PHF2: variants seen among roughly 807,000 people sequenced by gnomAD.
PHF2 encodes the protein lysine-specific demethylase PHF2.
Under a neutral mutation model 120.5 loss-of-function variants are expected in PHF2, and 27 were observed. The ratio of observed to expected loss-of-function variants is 0.22; its 90% CI spans 0.17 to 0.31. The LOEUF is 0.31. PHF2 is among the 10% of genes least tolerant of loss of function. The pLI, the probability that PHF2 is intolerant of heterozygous loss-of-function variation, is 1.00. For synonymous variants in PHF2, 568 were observed against 592.5 expected (o/e 0.96, Z 0.60); for missense variants, 1,024 against 1,434.8 (o/e 0.71, Z 4.63).
intron 3 of PHF2, among the ~76,000 whole-genome samples, chr9:93,641,187 G>A (rs567613056): frequency 5.0e-4 from 76 of 152,144 alleles, no homozygotes; most frequent in Non-Finnish European, 9.6e-4. Flanking sequence ...GCTGGAGGTC[G>A]CCAAATGCTT....
chr9:93,650,154 CAT>C (rs1441386024), intron 5 of PHF2, among the ~76,000 whole-genome samples: 1 of 151,658 alleles, frequency 6.6e-6, no homozygotes, highest in African/African-American at 2.4e-5. Flanking sequence ...TACACTCACA[CAT>C]GGACACACTC....
At position 93,679,335 on chromosome 9, in the gene PHF2, T is replaced by G. The variant is rs1456021323; in HGVS notation, c.*1659T>G. 4 of 451,030 alleles carry G rather than the reference T, an allele frequency of 8.9e-6. No homozygotes were observed. The highest frequency in any genetic ancestry group is 6.0e-5 in the African/African-American group (3 of 49,786). 27.9% of individuals were successfully genotyped at this position (451,030 alleles called of 1,614,324 possible). A position where few individuals can be genotyped will look rare whatever the true frequency, so the allele number is the denominator to read the frequency against. ...CAGGCTTATTCAGAACTGGTGTTTT[T>G]AAAGTTTCCTTTACCCTGCCCTTGT... On this transcript the variant is annotated 3_prime_UTR_variant, in exon 22 of 22. Transcript: ENST00000359246.
At chr9:93,635,308 A>C (rs1262971014) in intron 2 of PHF2, among the ~76,000 whole-genome samples, 2 of 140,908 alleles carry the variant, frequency 1.4e-5, no homozygotes, top group Non-Finnish European at 3.1e-5. Context: ...CTTTGTCCCC[A>C]CAACCACCGA....
chr9:93,648,037 C>T (rs1427186763), intron 4 of PHF2, among the ~76,000 whole-genome samples: 1 of 152,206 alleles, frequency 6.6e-6, no homozygotes, highest in South Asian at 2.1e-4. Context: ...ACGTAAGACC[C>T]AGTTTAATTC....
Position 93,676,752 on chromosome 9 carries a change from C to G in PHF2, c.2991C>G (p.Ser997Arg). The G allele has an allele frequency of 2.6e-6, 4 of 1,554,078 alleles. No individual in the cohort carries two copies. The Middle Eastern group carries it at 6.8e-4, about 266-fold the overall frequency. The change falls in exon 21 of 22, where the codon AGC becomes AGG. Residue 997 changes from serine to arginine, a missense_variant. Around this residue, in one of 2 missense-constraint regions of PHF2, gnomAD observed 677 missense variants for 857.4 expected, o/e 0.79. Transcript: ENST00000359246. ...CCTCCACCACCCCGGCCTCCACCAGCACGGCCAGCAGCCAGGCCTCGCAGG... is the reference window on the plus strand; with the variant it reads ...CCTCCACCACCCCGGCCTCCACCAGGACGGCCAGCAGCCAGGCCTCGCAGG... ...TPASTTPAST[S>R]TASSQASQEG...
At chr9:93,670,609 T>C (rs1170076859) in intron 17 of PHF2, among the ~76,000 whole-genome samples, 2 of 152,140 alleles carry the variant, frequency 1.3e-5, no homozygotes, top group African/African-American at 2.4e-5. Context: ...TGGGAGGGCC[T>C]GGCAGGGAGG....
intron 20 of PHF2, among the ~76,000 whole-genome samples, chr9:93,676,318 T>C (rs150486381): frequency 6.6e-6 from 1 of 152,322 alleles, no homozygotes; most frequent in Non-Finnish European, 1.5e-5. Context: ...GAGATGTATA[T>C]GGCCACTGAG....
rs1210319103 is a variant in PHF2, at chr9:93,653,203, T to G, written c.627T>G (p.Pro209=). The part of the protein sequence containing the change: ...DTRMSSFVEP[P]DIVKKLSWVE... ...GAATGTCCAGCTTCGTGGAGCCACC[T>G]GACATTGTAAAGAAACTGTCATGGG... The change falls in exon 6 of 22, where the codon CCT becomes CCG. Residue 209 remains proline (P), a synonymous_variant. Transcript: ENST00000359246. 2.5e-6 allele frequency: 4 copies of G among 1,614,062 alleles called. No homozygotes were observed. The highest frequency in any genetic ancestry group is 3.4e-6 in the Non-Finnish European group (4 of 1,180,038).
chr9:93,656,350 G>A lies in PHF2; in HGVS notation c.1041-139G>A. On this transcript the variant is annotated intron_variant, in intron 8 of 21. Transcript: ENST00000359246. This position sits in a 1 kb window ranked among gnomAD's most constrained non-coding sequence, Gnocchi z 4.1. Reference sequence around the variant, plus strand: ...GGCCCCGAGGTCTGCAGCCACCAGGGCAGTTTTCCCCTGGTCCTCCTCAGC... The same window carrying A: ...GGCCCCGAGGTCTGCAGCCACCAGGACAGTTTTCCCCTGGTCCTCCTCAGC... 1.5e-6 allele frequency: 1 copy of A among 665,966 alleles called. No individual in the cohort carries two copies. Among genetic ancestry groups the A allele is most frequent in the South Asian group, 1.8e-5 (1 of 55,628 alleles). The allele number at this position is 665,966 out of a possible 1,614,324, so 41.3% of individuals were successfully genotyped here.
chr9:93,599,812 C>T (rs574281101), intron 1 of PHF2, among the ~76,000 whole-genome samples: 8 of 152,246 alleles, frequency 5.3e-5, no homozygotes, highest in Non-Finnish European at 1.2e-4. Flanking sequence ...ATACATGATG[C>T]CCAGCCACGC....
chr9:93,598,496 A>G (rs1452453188), intron 1 of PHF2, among the ~76,000 whole-genome samples: 1 of 151,966 alleles, frequency 6.6e-6, no homozygotes, highest in Non-Finnish European at 1.5e-5. Context: ...AAAGCTGCCA[A>G]CCCCCGTCAG....
intron 6 of PHF2, 130 bp from the exon 7 acceptor site, chr9:93,654,283 C>T (rs1826419258): frequency 2.7e-6 from 2 of 752,170 alleles, no homozygotes; most frequent in African/African-American, 1.7e-5. Context: ...TGCAAAGCAC[C>T]TGTGCCCTCA....
At chr9:93,652,853 C>T (rs947472714) in intron 5 of PHF2, among the ~76,000 whole-genome samples, 3 of 152,190 alleles carry the variant, frequency 2.0e-5, no homozygotes, top group Non-Finnish European at 4.4e-5. Flanking sequence ...CAGCACATGG[C>T]ACGTGGCCAG....
At chr9:93,605,191 G>C (rs1825517848) in intron 1 of PHF2, among the ~76,000 whole-genome samples, 1 of 152,188 alleles carries the variant, frequency 6.6e-6, no homozygotes, top group Admixed American at 6.5e-5. Context: ...GTTTACACTA[G>C]TATTTACTTT....
At chr9:93,577,085 C>T in intron 1 of PHF2, among the ~76,000 whole-genome samples, 1 of 147,212 alleles carries the variant, frequency 6.8e-6, no homozygotes, top group South Asian at 2.1e-4. Context: ...GGGGCCCGCG[C>T]TGGGCGCCCC....
chr9:93,647,718 C>T (rs1020454321), intron 4 of PHF2, among the ~76,000 whole-genome samples: 2 of 152,072 alleles, frequency 1.3e-5, no homozygotes, highest in African/African-American at 4.8e-5. Flanking sequence ...GGCAAAACCC[C>T]GTCTCTACTA....
chr9:93,645,689 G>A lies in PHF2; in HGVS notation c.360G>A (p.Glu120=). The A allele has an allele frequency of 6.2e-7, 1 of 1,612,954 alleles. No homozygotes were observed. ...GSQLTLGYME[E]HGFTEPILVP... ...AGCTCACGCTGGGCTACATGGAGGA[G>A]CACGGCTTCACCGAGCCCATCCTCG... Residue 120 remains glutamate (E), a synonymous_variant, in exon 4 of 22, where the codon GAG becomes GAA. Transcript: ENST00000359246.
chr9:93,587,578 G>A (rs1214832517), intron 1 of PHF2, among the ~76,000 whole-genome samples: 3 of 27,512 alleles, frequency 1.1e-4, no homozygotes, highest in African/African-American at 3.4e-4. Context: ...AGTCCTGGGT[G>A]AGAGATGATG....
intron 17 of PHF2, chr9:93,672,276 A>G (rs1175795864): frequency 3.8e-3 from 274 of 72,212 alleles, no homozygotes; most frequent in East Asian, 7.9e-3. Flanking sequence ...GTGGGTGTGG[A>G]TGTAGGTACA....
Sources: allele counts gnomAD v4.1 joint callset (sites outside exome capture counted in the v4.1 genomes callset), GRCh38; gene constraint gnomAD v4.1.1; regional missense constraint gnomAD v4.1.1; non-coding constraint Gnocchi (gnomAD v3.1); transcripts MANE v1.5; gene names NCBI Gene and HGNC (gene_info 2026-07-23, HGNC 2026-07-21).